The following QTGAL variants were observed in gnomAD, a reference collection of about 807,000 sequenced individuals.
The protein encoded by QTGAL is queuosine-tRNA galactosyltransferase.
chr17:82,990,507 T>C, the QTGAL span, among the ~76,000 whole-genome samples: 1 of 152,286 alleles, frequency 6.6e-6, no homozygotes, highest in Non-Finnish European at 1.5e-5. Flanking sequence ...TTGCACCAAA[T>C]GCATTGGACT....
the QTGAL span, among the ~76,000 whole-genome samples, chr17:83,022,846 C>T: frequency 1.6e-4 from 2 of 12,620 alleles, no homozygotes; most frequent in Admixed American, 8.3e-4. Flanking sequence ...GCACTGTCCC[C>T]GGCCCACCTG....
the QTGAL span, among the ~76,000 whole-genome samples, chr17:82,984,592 G>GA: frequency 3.4e-4 from 46 of 134,598 alleles, no homozygotes; most frequent in South Asian, 7.4e-4. Context: ...CTACAGGGTC[G>GA]TGCAGGGAAA....
At chr17:83,005,357 C>A in the QTGAL span, 3 of 717,570 alleles carry the variant, frequency 4.2e-6, no homozygotes, top group Non-Finnish European at 7.0e-6. The surrounding 1 kb of genome is among the most constrained non-coding windows in gnomAD (Gnocchi z 5.6). Flanking sequence ...AGGCAAACAC[C>A]GGGAGTCGAG....
the QTGAL span, among the ~76,000 whole-genome samples, chr17:83,049,975 C>T: frequency 6.6e-6 from 1 of 152,068 alleles, no homozygotes; most frequent in African/African-American, 2.4e-5. Flanking sequence ...TAATTTATAT[C>T]CAAAAAAGAA....
the QTGAL span, chr17:82,950,091 C>G: frequency 1.1e-4 from 17 of 152,308 alleles, no homozygotes; most frequent in African/African-American, 3.8e-4. Context: ...AATCTACACA[C>G]GTGAAAAGAG....
the QTGAL span, among the ~76,000 whole-genome samples, chr17:83,040,577 A>G: frequency 6.6e-6 from 1 of 152,240 alleles, no homozygotes; most frequent in Non-Finnish European, 1.5e-5. Flanking sequence ...GAGAAACAAT[A>G]CCTTTAAAAT....
chr17:82,978,445 G>A, the QTGAL span: 1 of 152,178 alleles, frequency 6.6e-6, no homozygotes, highest in African/African-American at 2.4e-5. This position sits in a 1 kb window ranked among gnomAD's most constrained non-coding sequence, Gnocchi z 4.8. Flanking sequence ...TGAAACTAGT[G>A]TCCTGGTGTC....
the QTGAL span, chr17:82,947,320 C>CGAGA: frequency 9.0e-5 from 28 of 310,726 alleles, no homozygotes; most frequent in South Asian, 7.4e-4. Context: ...GCAGACCCAC[C>CGAGA]TTCCCTCCAC....
the QTGAL span, chr17:82,956,839 G>A: frequency 1.4e-5 from 21 of 1,508,908 alleles, 1 homozygote; most frequent in South Asian, 2.4e-4. This position sits in a 1 kb window ranked among gnomAD's most constrained non-coding sequence, Gnocchi z 5.7. Context: ...CCCTCAGGGT[G>A]CACGCAGCCA....
At chr17:82,959,049 G>GGT in the QTGAL span, among the ~76,000 whole-genome samples, 1 of 85,858 alleles carries the variant, frequency 1.2e-5, no homozygotes, top group East Asian at 3.5e-4. Context: ...GGGGGTGTAT[G>GGT]GTGTGTGTGT....
At chr17:83,017,139 A>C in the QTGAL span, among the ~76,000 whole-genome samples, 1 of 152,262 alleles carries the variant, frequency 6.6e-6, no homozygotes, top group African/African-American at 2.4e-5. Flanking sequence ...GTGGGAGCTG[A>C]GGAGATGATC....
chr17:83,049,553 C>T, the QTGAL span, among the ~76,000 whole-genome samples: 3 of 151,508 alleles, frequency 2.0e-5, no homozygotes, highest in Non-Finnish European at 4.4e-5. Context: ...GCTGGGATTA[C>T]AGGTGCTGGC....
chr17:83,016,245 G>A, the QTGAL span, among the ~76,000 whole-genome samples: 1 of 152,186 alleles, frequency 6.6e-6, no homozygotes, highest in African/African-American at 2.4e-5. Flanking sequence ...CTCAATAGCA[G>A]AAATAAGAAT....
chr17:83,032,697 G>A, the QTGAL span, among the ~76,000 whole-genome samples: 1 of 152,230 alleles, frequency 6.6e-6, no homozygotes, highest in Non-Finnish European at 1.5e-5. Flanking sequence ...TGAGCCCAAG[G>A]AAGGGTCAGG....
the QTGAL span, among the ~76,000 whole-genome samples, chr17:82,971,651 A>G: frequency 8.6e-6 from 1 of 116,704 alleles, no homozygotes; most frequent in Non-Finnish European, 1.8e-5. Flanking sequence ...TGCCGACCAC[A>G]CCACACCACA....
chr17:82,996,781 A>G, the QTGAL span, among the ~76,000 whole-genome samples: 1 of 152,220 alleles, frequency 6.6e-6, no homozygotes, highest in Non-Finnish European at 1.5e-5. Flanking sequence ...ACATGCCAAG[A>G]ACTTACATTG....
chr17:82,998,906 A>G, the QTGAL span, among the ~76,000 whole-genome samples: 1 of 152,184 alleles, frequency 6.6e-6, no homozygotes, highest in African/African-American at 2.4e-5. Context: ...CCATTTGAGA[A>G]ATGCAAACTA....
chr17:83,001,986 C>A, the QTGAL span, among the ~76,000 whole-genome samples: 1 of 151,802 alleles, frequency 6.6e-6, no homozygotes, highest in Non-Finnish European at 1.5e-5. Context: ...GGTCTTAAAT[C>A]CCCAGGCTCA....
the QTGAL span, among the ~76,000 whole-genome samples, chr17:83,033,580 C>T: frequency 0.3 from 45,528 of 149,374 alleles, 7,530 homozygotes; most frequent in African/African-American, 0.45. Flanking sequence ...CACGCCATTC[C>T]CCTGCCTCAG....
Sources: gnomAD v4.1 joint callset for allele counts (sites outside exome capture counted in the v4.1 genomes callset) on GRCh38, gnomAD v4.1.1 for gene constraint, Gnocchi (gnomAD v3.1) non-coding constraint, MANE v1.5 for transcripts, NCBI Gene and HGNC (gene_info 2026-07-23, HGNC 2026-07-21) for gene names.